GCNT1: variants seen among roughly 807,000 people sequenced by gnomAD.
GCNT1 encodes glucosaminyl (N-acetyl) transferase 1, also known as beta-1,3-galactosyl-O-glycosyl-glycoprotein beta-1,6-N-acetylglucosaminyltransferase.
In GCNT1, 16 loss-of-function variants were observed where a neutral mutation model predicts 26.2. The observed-to-expected ratio is 0.61, with a 90% CI of 0.41 to 0.93. The LOEUF (loss-of-function observed/expected upper bound fraction) is 0.93, where lower values mean the gene tolerates loss of function less well. Ranked by LOEUF, GCNT1 falls within the 40% of genes least tolerant of loss-of-function variation. The pLI, the probability that GCNT1 is intolerant of heterozygous loss-of-function variation, is 0.00. For synonymous variants in GCNT1, 183 were observed against 190.8 expected, an observed-to-expected ratio of 0.96 and a Z score of 0.34; for missense variants, 477 against 526.7, an observed-to-expected ratio of 0.91 and a Z score of 0.92.
the GCNT1 span, among the ~76,000 whole-genome samples, chr9:76,402,587 A>C: frequency 6.6e-6 from 1 of 152,206 alleles, no homozygotes. Flanking sequence ...CAATGGACCT[A>C]AGATCACCTT....
Position 76,428,073 on chromosome 9 carries a change from T to C in GCNT1, n.38+8186T>C, listed in dbSNP as rs570868960. Among the ~76,000 whole-genome samples the C allele has an allele frequency of 4.6e-5, 7 of 152,084 alleles. No homozygotes were observed. In the East Asian group the frequency reaches 1.4e-3, roughly 29 times the overall value. On this transcript the variant is annotated intron_variant and non_coding_transcript_variant, in intron 1 of 3. Transcript: ENST00000488136. ...CGAGGTCAGGAGATCGAGACCATCC[T>C]GGCTAATACGGTGAAACCCCATCTC...
chr9:76,432,663 T>G (rs1157572736), intron 1 of GCNT1, among the ~76,000 whole-genome samples: 1 of 152,176 alleles, frequency 6.6e-6, no homozygotes, highest in African/African-American at 2.4e-5. Flanking sequence ...GTCTTTCACA[T>G]ACTGATAGCG....
the GCNT1 span, among the ~76,000 whole-genome samples, chr9:76,407,113 T>C: frequency 6.6e-6 from 1 of 151,526 alleles, no homozygotes; most frequent in African/African-American, 2.4e-5. Context: ...TTCTAGGAAT[T>C]TTATAGTTTT....
the GCNT1 span, among the ~76,000 whole-genome samples, chr9:76,407,728 T>C: frequency 6.6e-6 from 1 of 152,220 alleles, no homozygotes; most frequent in Non-Finnish European, 1.5e-5. Context: ...CTTAACAATA[T>C]TGAATTGCCA....
intron 2 of GCNT1, among the ~76,000 whole-genome samples, chr9:76,487,378 G>T (rs529116960): frequency 6.6e-6 from 1 of 152,312 alleles, no homozygotes; most frequent in South Asian, 2.1e-4. Flanking sequence ...GTAGTCCTTG[G>T]AGAGTCAGTG....
intron 2 of GCNT1, among the ~76,000 whole-genome samples, chr9:76,484,026 T>G (rs972822680): frequency 6.6e-6 from 1 of 152,188 alleles, no homozygotes; most frequent in Non-Finnish European, 1.5e-5. Flanking sequence ...AAAAAATCAC[T>G]GAGGATCACA....
chr9:76,404,030 C>T, the GCNT1 span, among the ~76,000 whole-genome samples: 5 of 152,114 alleles, frequency 3.3e-5, no homozygotes, highest in East Asian at 1.9e-4. Flanking sequence ...GACCTCTGTT[C>T]GGAGTAATTC....
chr9:76,404,819 C>T, the GCNT1 span, among the ~76,000 whole-genome samples: 1 of 151,636 alleles, frequency 6.6e-6, no homozygotes, highest in Non-Finnish European at 1.5e-5. Flanking sequence ...TATTTTAAGT[C>T]ATCTTTTTTT....
chr9:76,480,680 A>G (rs1824398403), intron 2 of GCNT1, among the ~76,000 whole-genome samples: 1 of 152,004 alleles, frequency 6.6e-6, no homozygotes, highest in African/African-American at 2.4e-5. Context: ...AATAAATACT[A>G]TTTTCATTAA....
the GCNT1 span, chr9:76,399,282 G>A: frequency 2.1e-6 from 3 of 1,407,930 alleles, no homozygotes; most frequent in South Asian, 1.1e-5. Context: ...GACCACCCGT[G>A]GGAGGTCATG....
Position 76,478,643 on chromosome 9 carries a change from G to A in GCNT1, c.-290+18466G>A, listed in dbSNP as rs117294770. Among the ~76,000 whole-genome samples, 1,014 of 152,314 alleles carry A rather than the reference G, an allele frequency of 6.7e-3. 9 individuals carry two copies. The highest frequency in any genetic ancestry group is 9.3e-3 in the Non-Finnish European group (630 of 68,030). Reference sequence around the variant, plus strand: ...CATAATGCCTTCAGGATTCATTCATGTTGTACCCTAAGCCAGAATTTCATT... The same window carrying A: ...CATAATGCCTTCAGGATTCATTCATATTGTACCCTAAGCCAGAATTTCATT... On this transcript the variant is annotated intron_variant, in intron 2 of 3. Coordinates refer to ENST00000376730, the MANE Select transcript of GCNT1 (RefSeq NM_001490.5).
the GCNT1 span, among the ~76,000 whole-genome samples, chr9:76,404,287 AT>A: frequency 1.4e-4 from 21 of 151,912 alleles, no homozygotes; most frequent in East Asian, 1.7e-3. Flanking sequence ...TAATTTTAGA[AT>A]TTTTTTTCTG....
chr9:76,432,819 C>T (rs552938398), intron 1 of GCNT1, among the ~76,000 whole-genome samples: 56 of 152,302 alleles, frequency 3.7e-4, no homozygotes, highest in African/African-American at 1.3e-3. Flanking sequence ...TTCTATTTGT[C>T]ATGCTTTCCT....
chr9:76,454,386 G>GAAAAAAAAAAAAAAA (rs71372084), upstream of GCNT1, among the ~76,000 whole-genome samples: 1 of 39,606 alleles, frequency 2.5e-5, no homozygotes, highest in African/African-American at 8.7e-5. Context: ...TCTCAGAAAA[G>GAAAAAAAAAAAAAAA]AAAAAAAAAA....
intron 2 of GCNT1, among the ~76,000 whole-genome samples, chr9:76,489,669 C>T (rs917072357): frequency 1.3e-5 from 2 of 152,146 alleles, no homozygotes; most frequent in Admixed American, 6.6e-5. Context: ...GGTGTTTTTA[C>T]AATCCTCTAG....
chr9:76,472,780 G>T (rs1424428228), intron 2 of GCNT1, among the ~76,000 whole-genome samples: 1 of 131,694 alleles, frequency 7.6e-6, no homozygotes, highest in African/African-American at 3.0e-5. Flanking sequence ...ATGGAGTCTC[G>T]CTCTGTCACC....
the GCNT1 span, among the ~76,000 whole-genome samples, chr9:76,397,208 G>A: frequency 6.6e-6 from 1 of 152,068 alleles, no homozygotes; most frequent in Non-Finnish European, 1.5e-5. Flanking sequence ...CTTGAACCCA[G>A]GAGGCGGAGG....
At chr9:76,468,612 A>ATTCCTAGT (rs1402070190) in intron 2 of GCNT1, among the ~76,000 whole-genome samples, 1 of 152,222 alleles carries the variant, frequency 6.6e-6, no homozygotes, top group African/African-American at 2.4e-5. Flanking sequence ...CCATCAGAGC[A>ATTCCTAGT]TTCCTAGTTC....
chr9:76,501,921 A>T (rs1304778421), intron 3 of GCNT1: 1 of 152,274 alleles, frequency 6.6e-6, no homozygotes, highest in African/African-American at 2.4e-5. Flanking sequence ...GCACCTCAAC[A>T]TACCAAAGAG....
Sources: gnomAD v4.1 joint callset for allele counts (sites outside exome capture counted in the v4.1 genomes callset) on GRCh38, gnomAD v4.1.1 for gene constraint, MANE v1.5 for transcripts, NCBI Gene and HGNC (gene_info 2026-07-23, HGNC 2026-07-21) for gene names.